Variants in STXBP5L observed in about 807,000 individuals in gnomAD.
The protein encoded by STXBP5L is syntaxin-binding protein 5-like.
In STXBP5L, 65 loss-of-function variants were observed where a neutral mutation model predicts 144.5. The ratio of observed to expected loss-of-function variants is 0.45; its 90% confidence interval spans 0.37 to 0.55. The LOEUF (loss-of-function observed/expected upper bound fraction) is 0.55, where lower values mean the gene tolerates loss of function less well. Ranked by LOEUF, STXBP5L falls within the 20% of genes least tolerant of loss-of-function variation. STXBP5L has a pLI of 0.00. For synonymous variants in STXBP5L, 505 were observed against 469.6 expected, an observed-to-expected ratio of 1.08 and a Z score of -0.97; for missense variants, 1,298 against 1,405.5, an observed-to-expected ratio of 0.92 and a Z score of 1.22.
intron 9 of STXBP5L, among the ~76,000 whole-genome samples, chr3:121,185,289 C>A (rs1052136176): frequency 6.6e-6 from 1 of 152,158 alleles, no homozygotes. Context: ...TGTGCAAAAG[C>A]TCTTTAGTTT....
intron 20 of STXBP5L, among the ~76,000 whole-genome samples, chr3:121,346,001 C>T (rs111878539): frequency 0.12 from 18,248 of 151,566 alleles, 1,160 homozygotes; most frequent in Non-Finnish European, 0.14. Flanking sequence ...GTGTGCACAA[C>T]GTGCGGGTTT....
chr3:121,046,904 T>C (rs1947555585), intron 5 of STXBP5L, among the ~76,000 whole-genome samples: 1 of 151,970 alleles, frequency 6.6e-6, no homozygotes, highest in African/African-American at 2.4e-5. Context: ...TAGCTTTGGG[T>C]TTGTTTTGTA....
chr3:121,000,983 G>A (rs576868641), intron 3 of STXBP5L, among the ~76,000 whole-genome samples: 1 of 152,278 alleles, frequency 6.6e-6, no homozygotes, highest in Non-Finnish European at 1.5e-5. Context: ...ACCATTTGAT[G>A]TACTCAGCCG....
intron 1 of STXBP5L, 142 bp from the exon 2 acceptor site, chr3:120,909,429 C>CTCTTTT (rs2107539670): frequency 1.4e-6 from 1 of 701,878 alleles, no homozygotes; most frequent in Non-Finnish European, 2.2e-6. Context: ...CGAATCCTGA[C>CTCTTTT]TCTTTTTTTC....
chr3:121,391,954 C>T (rs1009867543), intron 22 of STXBP5L, among the ~76,000 whole-genome samples: 9 of 152,218 alleles, frequency 5.9e-5, no homozygotes, highest in South Asian at 4.1e-4. Context: ...CAGACAGGGA[C>T]GTTTAAGTCT....
At chr3:121,243,210 A>G (rs1014577778) in intron 14 of STXBP5L, among the ~76,000 whole-genome samples, 2 of 152,176 alleles carry the variant, frequency 1.3e-5, no homozygotes, top group Non-Finnish European at 1.5e-5. Context: ...CAAACTTTGG[A>G]TTCCTGGGTG....
intron 3 of STXBP5L, among the ~76,000 whole-genome samples, chr3:121,011,374 T>G (rs529474994): frequency 7.3e-5 from 11 of 151,642 alleles, no homozygotes; most frequent in Non-Finnish European, 1.5e-4. Context: ...AGATGAGTCC[T>G]GCAACCCTTT....
intron 3 of STXBP5L, among the ~76,000 whole-genome samples, chr3:120,977,019 C>T (rs1017025619): frequency 1.3e-5 from 2 of 152,060 alleles, no homozygotes; most frequent in Non-Finnish European, 2.9e-5. Context: ...TATGTATATT[C>T]TGTTGATTTG....
At chr3:121,256,947 G>A (rs2050224976) in intron 16 of STXBP5L, among the ~76,000 whole-genome samples, 1 of 151,512 alleles carries the variant, frequency 6.6e-6, no homozygotes, top group Non-Finnish European at 1.5e-5. Context: ...GATTGCCATT[G>A]AATATTCCAT....
chr3:121,056,862 T>C (rs1425035951), intron 5 of STXBP5L, among the ~76,000 whole-genome samples: 1 of 151,636 alleles, frequency 6.6e-6, no homozygotes, highest in East Asian at 1.9e-4. Context: ...TATTTTTACA[T>C]ATATCATATA....
intron 3 of STXBP5L, among the ~76,000 whole-genome samples, chr3:120,965,498 T>C (rs1939453523): frequency 6.6e-6 from 1 of 152,192 alleles, no homozygotes; most frequent in Non-Finnish European, 1.5e-5. Flanking sequence ...GAGCATTTGC[T>C]TGTCTGTAAA....
At chr3:121,063,803 C>T (rs886603518) in intron 5 of STXBP5L, among the ~76,000 whole-genome samples, 2 of 148,930 alleles carry the variant, frequency 1.3e-5, no homozygotes, top group African/African-American at 2.5e-5. Flanking sequence ...AGCAGAAAAC[C>T]GCCTACTCAA....
At chr3:121,083,495 C>T (rs2042344878) in intron 5 of STXBP5L, among the ~76,000 whole-genome samples, 1 of 152,004 alleles carries the variant, frequency 6.6e-6, no homozygotes, top group South Asian at 2.1e-4. Flanking sequence ...AACCCCATCT[C>T]TACTAAAAAT....
At chr3:121,020,250 C>T (rs958000629) in intron 3 of STXBP5L, among the ~76,000 whole-genome samples, 1 of 151,924 alleles carries the variant, frequency 6.6e-6, no homozygotes, top group African/African-American at 2.4e-5. Context: ...AAAAATGCCT[C>T]CAAGACGTTT....
Position 121,053,650 on chromosome 3 carries a change from G to C in STXBP5L, c.470+8115G>C, listed in dbSNP as rs201970382. ...CATAAAAACCCTAGAAGAAAACCTA[G>C]GCAATACCATTCAGGACATAGGCAT... On this transcript the variant is annotated intron_variant, in intron 5 of 26. Coordinates refer to ENST00000471454, the MANE Select transcript of STXBP5L (RefSeq NM_001308330.2). 2.2e-4 allele frequency among the ~76,000 whole-genome samples: 34 copies of C among 152,228 alleles called. 1 individual carries two copies. In the East Asian group the frequency reaches 6.2e-3, roughly 28 times the overall value.
At chr3:121,283,126 A>C (rs2051116602) in intron 19 of STXBP5L, among the ~76,000 whole-genome samples, 2 of 152,020 alleles carry the variant, frequency 1.3e-5, no homozygotes, top group Admixed American at 1.3e-4. Flanking sequence ...TTGTTTAACA[A>C]TATATACAAA....
chr3:121,343,526 A>T (rs1415255252), intron 20 of STXBP5L, among the ~76,000 whole-genome samples: 1 of 152,156 alleles, frequency 6.6e-6, no homozygotes, highest in African/African-American at 2.4e-5. Flanking sequence ...AATCTCCTTA[A>T]GCTGATAAGC....
chr3:121,344,025 AG>A (rs1352607221), intron 20 of STXBP5L, among the ~76,000 whole-genome samples: 1 of 152,134 alleles, frequency 6.6e-6, no homozygotes, highest in Non-Finnish European at 1.5e-5. Context: ...TAACCAAAAC[AG>A]CATGGTACTG....
At chr3:121,386,912 A>G (rs951569063) in intron 22 of STXBP5L, among the ~76,000 whole-genome samples, 1 of 152,206 alleles carries the variant, frequency 6.6e-6, no homozygotes, top group African/African-American at 2.4e-5. Flanking sequence ...TCCTTTGTGT[A>G]TATACCCAGT....
Sources: allele counts gnomAD v4.1 joint callset (sites outside exome capture counted in the v4.1 genomes callset), GRCh38; gene constraint gnomAD v4.1.1; transcripts MANE v1.5; gene names NCBI Gene and HGNC (gene_info 2026-07-23, HGNC 2026-07-21).